The following NRXN3 variants were observed in gnomAD, a reference collection of about 807,000 sequenced individuals.
The protein encoded by NRXN3 is neurexin 3, also known as neurexin III.
NRXN3 carries 32 observed loss-of-function variants against 137.6 expected under a neutral mutation model. The ratio of observed to expected loss-of-function variants is 0.23; its 90% CI spans 0.18 to 0.31. The LOEUF is 0.31. Ranked by LOEUF, NRXN3 falls within the 10% of genes least tolerant of loss-of-function variation. NRXN3 has a pLI of 1.00. For synonymous variants in NRXN3, 798 were observed against 784.5 expected (o/e 1.02, Z -0.29); for missense variants, 1,574 against 2,062.5 (o/e 0.76, Z 4.59).
chr14:79,440,055 C>T (rs750507137), intron 15 of NRXN3, among the ~76,000 whole-genome samples: 4 of 152,196 alleles, frequency 2.6e-5, no homozygotes, highest in Admixed American at 1.3e-4. Flanking sequence ...TATGCATTTA[C>T]TGCTAAAAAC....
chr14:78,314,905 T>G (rs868690377), intron 4 of NRXN3, among the ~76,000 whole-genome samples: 43 of 108,374 alleles, frequency 4.0e-4, no homozygotes, highest in Admixed American at 1.1e-3. Context: ...CTTTCTTTCT[T>G]TCTTTCTTTC....
chr14:79,847,261 C>T (rs917705417), intron 20 of NRXN3, among the ~76,000 whole-genome samples: 5 of 152,154 alleles, frequency 3.3e-5, no homozygotes, highest in African/African-American at 1.2e-4. Flanking sequence ...CCACACCCTC[C>T]AATAATGATG....
At chr14:78,989,918 G>A (rs1333060129) in intron 15 of NRXN3, among the ~76,000 whole-genome samples, 3 of 152,144 alleles carry the variant, frequency 2.0e-5, no homozygotes, top group Admixed American at 6.5e-5. Context: ...TTCTGTCTTT[G>A]ACAAGTTCCT....
At chr14:78,885,218 A>G (rs1346675986) in intron 10 of NRXN3, among the ~76,000 whole-genome samples, 1 of 149,586 alleles carries the variant, frequency 6.7e-6, no homozygotes, top group Non-Finnish European at 1.5e-5. Flanking sequence ...TATAAATATA[A>G]ATTACATATG....
chr14:79,654,406 A>C (rs368855806), intron 16 of NRXN3, among the ~76,000 whole-genome samples: 19 of 152,234 alleles, frequency 1.2e-4, no homozygotes, highest in African/African-American at 4.3e-4. Flanking sequence ...TTTTCTGTAA[A>C]GGGCCAGAAA....
At chr14:79,588,207 C>G (rs1193430847) in intron 16 of NRXN3, among the ~76,000 whole-genome samples, 3 of 152,178 alleles carry the variant, frequency 2.0e-5, no homozygotes. Flanking sequence ...TATGTGGGCA[C>G]AATGTCTCTC....
At chr14:78,444,640 C>CA (rs2094360191) in intron 4 of NRXN3, among the ~76,000 whole-genome samples, 3 of 151,940 alleles carry the variant, frequency 2.0e-5, no homozygotes, top group Admixed American at 2.0e-4. Flanking sequence ...GAGTGTTTGG[C>CA]CAGGCGCAGT....
intron 4 of NRXN3, among the ~76,000 whole-genome samples, chr14:78,332,555 C>G (rs1189923966): frequency 1.3e-5 from 2 of 152,136 alleles, no homozygotes; most frequent in Non-Finnish European, 2.9e-5. Context: ...ACCTTGTGAT[C>G]TGCCTGCCTT....
Position 79,861,923 on chromosome 14 carries a change from C to G in NRXN3, c.4675C>G (p.His1559Asp), listed in dbSNP as rs758038840. ...KEKQQSSKSGHKKQKNKDREY... is the reference protein window; with the variant it reads ...KEKQQSSKSGDKKQKNKDREY... ...GAAGCAGCAGAGCTCGAAGAGCGGC[C>G]ACAAGAAACAGAAAAACAAGGACAG... Residue 1559 changes from histidine (H) to aspartate (D), a missense_variant, in exon 21 of 21, where the codon CAC becomes GAC. By Grantham distance (81) the His-to-Asp change is moderately conservative (BLOSUM62 -1). Transcript: ENST00000335750. The surrounding 1 kb of genome is among the most constrained non-coding windows in gnomAD (Gnocchi z 5.4). 1 of 1,613,634 alleles carries G rather than the reference C, an allele frequency of 6.2e-7. No individual in the cohort carries two copies.
In NRXN3 at chr14:78,553,578, T is replaced by G. The variant is rs150560310; in HGVS notation, c.758-91542T>G. Among the ~76,000 whole-genome samples the G allele has an allele frequency of 1.0e-3, 154 of 152,330 alleles. 2 individuals are homozygous for G. The highest frequency in any genetic ancestry group is 2.5e-3 in the African/African-American group (106 of 41,574). ...ATCAGCAAGAATCCAGAGAGGTTAT[T>G]CATACATGGGACACTTGATAGTGGT... On this transcript the variant is annotated intron_variant, in intron 4 of 20. Coordinates refer to ENST00000335750, the MANE Select transcript of NRXN3 (RefSeq NM_001330195.2).
intron 1 of NRXN3, among the ~76,000 whole-genome samples, chr14:78,227,760 A>G (rs2064869681): frequency 6.6e-6 from 1 of 152,200 alleles, no homozygotes; most frequent in Non-Finnish European, 1.5e-5. Context: ...ATTTGGAGCT[A>G]AGACTTGGAC....
chr14:78,443,986 G>A (rs1234986124), intron 4 of NRXN3, among the ~76,000 whole-genome samples: 1 of 152,166 alleles, frequency 6.6e-6, no homozygotes, highest in East Asian at 1.9e-4. Context: ...CAACCTAATA[G>A]TTTTGTCACA....
chr14:79,142,067 G>A (rs534929846), intron 15 of NRXN3, among the ~76,000 whole-genome samples: 6 of 152,234 alleles, frequency 3.9e-5, no homozygotes, highest in South Asian at 2.1e-4. Context: ...GGGGGTTCAC[G>A]GAAAGCCCCC....
intron 4 of NRXN3, among the ~76,000 whole-genome samples, chr14:78,389,150 G>T (rs1444366148): frequency 6.6e-6 from 1 of 151,692 alleles, no homozygotes; most frequent in African/African-American, 2.4e-5. Flanking sequence ...TTGCCTCCTG[G>T]GTTCAAGCAA....
At chr14:79,575,749 T>C (rs1201387971) in intron 16 of NRXN3, among the ~76,000 whole-genome samples, 2 of 152,314 alleles carry the variant, frequency 1.3e-5, no homozygotes, top group East Asian at 1.9e-4. Flanking sequence ...TATATACATA[T>C]GTCTGAGACT....
intron 20 of NRXN3, among the ~76,000 whole-genome samples, chr14:79,807,164 C>G (rs937971524): frequency 6.6e-6 from 1 of 150,928 alleles, no homozygotes; most frequent in Non-Finnish European, 1.5e-5. Flanking sequence ...TGTACAAATG[C>G]GGTTCTCACC....
chr14:79,558,361 C>G (rs1410183942), intron 16 of NRXN3, among the ~76,000 whole-genome samples: 2 of 152,034 alleles, frequency 1.3e-5, no homozygotes, highest in African/African-American at 4.8e-5. Flanking sequence ...GCACCTATAG[C>G]CTTATGAAAA....
At chr14:79,060,661 A>C (rs1392220881) in intron 15 of NRXN3, among the ~76,000 whole-genome samples, 1 of 152,186 alleles carries the variant, frequency 6.6e-6, no homozygotes, top group Non-Finnish European at 1.5e-5. Context: ...TCTCGCTCAA[A>C]AACAATTTTG....
chr14:79,861,965 A>AC lies in NRXN3; in HGVS notation c.*2dup, dbSNP rs748797561. ...CAAGGACAGGGAGTATTACGTGTAA[A>AC]CATGCGAACACTGCTCACACGCGAG... On this transcript the variant is annotated 3_prime_UTR_variant, in exon 21 of 21. Coordinates refer to ENST00000335750, the MANE Select transcript of NRXN3 (RefSeq NM_001330195.2). This position sits in a 1 kb window ranked among gnomAD's most constrained non-coding sequence, Gnocchi z 5.4. The AC allele has an allele frequency of 3.5e-5, 57 of 1,605,960 alleles. No individual in the cohort carries two copies. The highest frequency in any genetic ancestry group is 6.0e-6 in the Non-Finnish European group (7 of 1,174,922).
Sources: gnomAD v4.1 joint callset for allele counts (sites outside exome capture counted in the v4.1 genomes callset) on GRCh38, gnomAD v4.1.1 for gene constraint, Gnocchi (gnomAD v3.1) non-coding constraint, MANE v1.5 for transcripts, NCBI Gene and HGNC (gene_info 2026-07-23, HGNC 2026-07-21) for gene names.